The following PCDH9 variants were observed in gnomAD, a reference collection of about 807,000 sequenced individuals.
PCDH9 encodes the protein protocadherin-9.
A neutral mutation model predicts 70.6 loss-of-function variants in PCDH9; 24 were observed. The ratio of observed to expected loss-of-function variants is 0.34; its 90% CI spans 0.25 to 0.48. The LOEUF (loss-of-function observed/expected upper bound fraction) is 0.48, where lower values mean the gene tolerates loss of function less well. PCDH9 is among the 20% of genes least tolerant of loss of function. The pLI is 0.99. For synonymous variants in PCDH9, 562 were observed against 558.5 expected (o/e 1.01, Z -0.09); for missense variants, 1,281 against 1,503.6 (o/e 0.85, Z 2.45).
intron 2 of PCDH9, among the ~76,000 whole-genome samples, chr13:66,946,731 A>T (rs1220131639): frequency 4.6e-5 from 7 of 152,120 alleles, no homozygotes; most frequent in African/African-American, 1.4e-4. Context: ...CCTATTTCTG[A>T]CCATATCACA....
chr13:67,109,753 T>C (rs1273786693), intron 2 of PCDH9, among the ~76,000 whole-genome samples: 1 of 152,192 alleles, frequency 6.6e-6, no homozygotes, highest in African/African-American at 2.4e-5. Flanking sequence ...TTTGGGTTAA[T>C]TTTTAAAAGC....
intron 2 of PCDH9, chr13:67,222,375 A>C (rs1228286439): frequency 6.6e-6 from 1 of 151,936 alleles, no homozygotes; most frequent in Non-Finnish European, 1.5e-5. Flanking sequence ...ATTTAGTGAC[A>C]CATGAAAGCT....
chr13:66,650,645 T>C (rs1446052874), intron 3 of PCDH9, among the ~76,000 whole-genome samples: 2 of 151,816 alleles, frequency 1.3e-5, no homozygotes, highest in African/African-American at 2.4e-5. Flanking sequence ...GTATACCCTA[T>C]AGACCAATTG....
chr13:66,392,393 C>T (rs1454473104), intron 4 of PCDH9, among the ~76,000 whole-genome samples: 1 of 151,904 alleles, frequency 6.6e-6, no homozygotes, highest in African/African-American at 2.4e-5. Context: ...TCATAATTTT[C>T]AAAATATTTA....
rs758165514 is a variant in PCDH9 at position 66,894,612 on chromosome 13, CA to C, written c.3138+8891del. Among the ~76,000 whole-genome samples the C allele has an allele frequency of 3.3e-5, 5 of 152,118 alleles. No homozygotes were observed. The East Asian group carries it at 9.7e-4, about 29-fold the overall frequency. On this transcript the variant is annotated intron_variant, in intron 3 of 4. Transcript: ENST00000377865. ...TTTCTCCCAGAATTTGGTGAAACAC[CA>C]AACAATATCTCACAGCCTCTGATGT...
At chr13:66,549,984 A>G (rs1267008306) in intron 4 of PCDH9, among the ~76,000 whole-genome samples, 1 of 152,216 alleles carries the variant, frequency 6.6e-6, no homozygotes, top group Non-Finnish European at 1.5e-5. Context: ...ATTAATTGAA[A>G]AAAATACAAT....
intron 4 of PCDH9, among the ~76,000 whole-genome samples, chr13:66,576,945 TATA>T (rs1317110731): frequency 6.6e-6 from 1 of 152,040 alleles, no homozygotes; most frequent in Non-Finnish European, 1.5e-5. Context: ...ACTAAAAAAC[TATA>T]ATATCAAACT....
rs997124037 is a variant in PCDH9, at chr13:66,374,509, G to T, written c.3341-69481C>A. Among the ~76,000 whole-genome samples, 4 of 151,932 alleles carry T rather than the reference G, an allele frequency of 2.6e-5. No homozygotes were observed. In the East Asian group the frequency reaches 7.7e-4, roughly 29 times the overall value. ...TATCACTGAGCTTGGTACTCTACAC[G>T]TTATTTAATTTAATTTAATTTTTAC... On this transcript the variant is annotated intron_variant, in intron 4 of 4. Transcript: ENST00000377865.
At chr13:66,503,679 G>A (rs1482302140) in intron 4 of PCDH9, among the ~76,000 whole-genome samples, 1 of 152,154 alleles carries the variant, frequency 6.6e-6, no homozygotes, top group Non-Finnish European at 1.5e-5. Flanking sequence ...CTCAGTGTAA[G>A]ATCCAAAAGA....
At chr13:66,579,582 A>G (rs2076861831) in intron 4 of PCDH9, among the ~76,000 whole-genome samples, 1 of 152,122 alleles carries the variant, frequency 6.6e-6, no homozygotes. Context: ...GAGGTGAAAG[A>G]AAACTACCAA....
At chr13:66,826,687 T>C (rs1389872019) in intron 3 of PCDH9, among the ~76,000 whole-genome samples, 2 of 152,054 alleles carry the variant, frequency 1.3e-5, no homozygotes, top group Non-Finnish European at 2.9e-5. Flanking sequence ...ATATGAACTA[T>C]GAAGAAAATA....
intron 4 of PCDH9, among the ~76,000 whole-genome samples, chr13:66,419,464 T>C (rs1957523553): frequency 6.6e-6 from 1 of 150,808 alleles, no homozygotes. Context: ...CCAGTTCATC[T>C]CACTAGGACT....
intron 4 of PCDH9, among the ~76,000 whole-genome samples, chr13:66,331,819 C>A (rs1351107394): frequency 6.6e-6 from 1 of 152,126 alleles, no homozygotes; most frequent in African/African-American, 2.4e-5. Flanking sequence ...GGCAAGAAAG[C>A]TATGAGACTT....
chr13:66,632,237 C>T (rs575258898), intron 3 of PCDH9, among the ~76,000 whole-genome samples: 1 of 152,250 alleles, frequency 6.6e-6, no homozygotes, highest in East Asian at 1.9e-4. Context: ...GTAAGTGTCC[C>T]TAAAGCAATA....
chr13:66,958,786 T>C (rs1415747375), intron 2 of PCDH9, among the ~76,000 whole-genome samples: 1 of 152,200 alleles, frequency 6.6e-6, no homozygotes, highest in African/African-American at 2.4e-5. Context: ...GCTCTCCCCA[T>C]TTCCATTGAA....
chr13:67,028,362 G>A (rs2084831694), intron 2 of PCDH9, among the ~76,000 whole-genome samples: 1 of 133,742 alleles, frequency 7.5e-6, no homozygotes, highest in Admixed American at 8.6e-5. Flanking sequence ...GGTGGGAATT[G>A]AACAATGAGA....
At chr13:66,498,577 C>T (rs1959153250) in intron 4 of PCDH9, among the ~76,000 whole-genome samples, 1 of 152,156 alleles carries the variant, frequency 6.6e-6, no homozygotes, top group Non-Finnish European at 1.5e-5. Context: ...ACTTTGGAAA[C>T]TGTCACCTAT....
At chr13:66,791,710 T>C (rs1257068959) in intron 3 of PCDH9, among the ~76,000 whole-genome samples, 1 of 152,176 alleles carries the variant, frequency 6.6e-6, no homozygotes, top group Non-Finnish European at 1.5e-5. Context: ...AATGCTATCA[T>C]TTGCCATTAC....
intron 2 of PCDH9, among the ~76,000 whole-genome samples, chr13:67,059,027 A>G (rs1268363356): frequency 2.0e-5 from 3 of 151,960 alleles, no homozygotes; most frequent in African/African-American, 7.3e-5. Context: ...TCCTCTTCTT[A>G]CATAGCTGTT....
Sources: gnomAD v4.1 joint callset for allele counts (sites outside exome capture counted in the v4.1 genomes callset) on GRCh38, gnomAD v4.1.1 for gene constraint, MANE v1.5 for transcripts, NCBI Gene and HGNC (gene_info 2026-07-23, HGNC 2026-07-21) for gene names.